The following SLC7A11 variants were observed in gnomAD, a reference collection of about 807,000 sequenced individuals.
SLC7A11 encodes solute carrier family 7 member 11, also known as cystine/glutamate transporter.
SLC7A11 carries 35 observed loss-of-function variants against 54.5 expected under a neutral mutation model. The observed-to-expected ratio is 0.64, with a 90% CI of 0.49 to 0.85. The LOEUF (loss-of-function observed/expected upper bound fraction) is 0.85. SLC7A11 is among the 40% of genes least tolerant of loss of function. SLC7A11 has a pLI of 0.00. For missense variants in SLC7A11, 583 were observed against 618.1 expected (o/e 0.94, Z 0.60); for synonymous variants, 230 against 225.2 (o/e 1.02, Z -0.19).
Position 138,219,343 on chromosome 4 carries a change from G to A in SLC7A11, c.669C>T (p.Asp223=), listed in dbSNP as rs374912927. The part of the protein sequence containing the change: ...LIKGQTQNFK[D]AFSGRDSSIT... ...TACTTGAATCTCTTCCTGAAAAGGC[G>A]TCTTTAAAGTTCTGCGTTTGACCTG... Residue 223 remains aspartate, a synonymous_variant, in exon 5 of 12, where the codon GAC becomes GAT. Coordinates refer to ENST00000280612, the MANE Select transcript of SLC7A11 (RefSeq NM_014331.4). The A allele has an allele frequency of 3.9e-5, 63 of 1,603,482 alleles. No homozygotes were observed. The highest frequency in any genetic ancestry group is 1.1e-4 in the African/African-American group (8 of 74,742).
In SLC7A11 at chr4:138,183,187, C is replaced by A; in HGVS notation, c.1019+15G>T. 2 of 1,557,678 alleles carry A rather than the reference C, an allele frequency of 1.3e-6. No individual in the cohort carries two copies. The highest frequency in any genetic ancestry group is 1.8e-6 in the Non-Finnish European group (2 of 1,130,460). On this transcript the variant is annotated intron_variant, in intron 8 of 11. Transcript: ENST00000280612. ...AAACAGAAATGTGTTTCTGGAAATACATGAACTCACTCACCTGGAGACAGC... is the reference window on the plus strand; with the variant it reads ...AAACAGAAATGTGTTTCTGGAAATAAATGAACTCACTCACCTGGAGACAGC...
At chr4:138,201,584 C>T (rs1373813311) in intron 6 of SLC7A11, among the ~76,000 whole-genome samples, 2 of 152,004 alleles carry the variant, frequency 1.3e-5, no homozygotes, top group East Asian at 1.9e-4. Context: ...TTCCCATGGC[C>T]GGGTGTTTCA....
chr4:138,200,737 C>T (rs925467459), intron 6 of SLC7A11, among the ~76,000 whole-genome samples: 1 of 152,112 alleles, frequency 6.6e-6, no homozygotes, highest in African/African-American at 2.4e-5. Context: ...CCCCTCCTAA[C>T]TCTAACATCA....
At chr4:138,172,087 ATT>A in intron 11 of SLC7A11, 70 bp from the exon 12 acceptor site, 1 of 1,475,366 alleles carries the variant, frequency 6.8e-7, no homozygotes, top group Non-Finnish European at 9.1e-7. Flanking sequence ...CAAAATATGA[ATT>A]ATTTTGGGTT....
intron 3 of SLC7A11, among the ~76,000 whole-genome samples, chr4:138,225,173 A>ATATATATAT (rs1266953642): frequency 1.3e-4 from 14 of 111,076 alleles, no homozygotes; most frequent in African/African-American, 1.6e-4. Flanking sequence ...TATATATATA[A>ATATATATAT]ATAAAATCAT....
Position 138,242,217 on chromosome 4 carries a change from G to GGT in SLC7A11, c.-150_-149dup, listed in dbSNP as rs1345733609. The GGT allele has an allele frequency of 2.2e-6, 2 of 903,914 alleles. No homozygotes were observed. Among genetic ancestry groups the GGT allele is most frequent in the Non-Finnish European group, 3.3e-6 (2 of 608,944 alleles). The allele number at this position is 903,914 out of a possible 1,614,324, so 56.0% of individuals were successfully genotyped here. On this transcript the variant is annotated 5_prime_UTR_variant, in exon 1 of 12. Coordinates refer to ENST00000280612, the MANE Select transcript of SLC7A11 (RefSeq NM_014331.4). The stretch of plus-strand genomic sequence containing the variant: ...TAGTGTTCACAGGTGAAAACTCAAA[G>GGT]GTGTGCTTTTTCCTTCACAGCGATC...
At position 138,242,005 on chromosome 4, in the gene SLC7A11, C is replaced by T. The variant is rs1738394022; in HGVS notation, c.65G>A (p.Gly22Glu). 2 of 1,614,206 alleles carry T rather than the reference C, an allele frequency of 1.2e-6. No homozygotes were observed. Among genetic ancestry groups the T allele is most frequent in the Non-Finnish European group, 1.7e-6 (2 of 1,180,028 alleles). Reference protein sequence around the residue: ...KGGYLQGNVNGRLPSLGNKEP... With the variant: ...KGGYLQGNVNERLPSLGNKEP... The stretch of plus-strand genomic sequence containing the variant: ...CTTGTTGCCCAGGGAAGGCAGCCTC[C>T]CGTTAACATTTCCCTGCAGGTAACC... Residue 22 changes from glycine (G) to glutamate (E), a missense_variant, in exon 1 of 12, where the codon GGG becomes GAG. Physicochemically the swap from Gly to Glu is moderately conservative, Grantham distance 98 (BLOSUM62 -2). Transcript: ENST00000280612.
At chr4:138,232,634 C>G (rs139354939) in intron 2 of SLC7A11, among the ~76,000 whole-genome samples, 154 of 152,314 alleles carry the variant, frequency 1.0e-3, no homozygotes, top group African/African-American at 3.4e-3. Flanking sequence ...TTCCCCTGCT[C>G]TCCCATATTT....
intron 6 of SLC7A11, among the ~76,000 whole-genome samples, chr4:138,199,479 G>A (rs1343987524): frequency 1.3e-5 from 2 of 152,088 alleles, no homozygotes; most frequent in Non-Finnish European, 2.9e-5. Flanking sequence ...ACTGGGTAGA[G>A]ATTTGTGTTC....
At chr4:138,224,820 AAG>A (rs1737900963) in intron 3 of SLC7A11, among the ~76,000 whole-genome samples, 119 of 14,624 alleles carry the variant, frequency 8.1e-3, no homozygotes, top group East Asian at 0.014. Flanking sequence ...GGATGAAAGG[AAG>A]GAAGGAAGGA....
At chr4:138,190,960 A>G (rs576981969) in intron 6 of SLC7A11, among the ~76,000 whole-genome samples, 3 of 152,180 alleles carry the variant, frequency 2.0e-5, no homozygotes, top group Non-Finnish European at 4.4e-5. Flanking sequence ...ACTGTCATTT[A>G]GTGCTATGGC....
At chr4:138,173,250 T>C (rs1736481280) in intron 11 of SLC7A11, among the ~76,000 whole-genome samples, 1 of 152,164 alleles carries the variant, frequency 6.6e-6, no homozygotes, top group Non-Finnish European at 1.5e-5. Context: ...GCCCAGATAG[T>C]CTTTCATCTG....
rs1283081660 is a variant in SLC7A11 at position 138,170,195 on chromosome 4, G to A, written c.*1761C>T. The A allele has an allele frequency of 4.2e-5, 5 of 120,000 alleles. No individual in the cohort carries two copies. Among genetic ancestry groups the A allele is most frequent in the African/African-American group, 1.5e-4 (5 of 33,074 alleles). The allele number at this position is 120,000 out of a possible 1,614,324, so 7.4% of individuals were successfully genotyped here. ...TTTCATCATTATATTACTCTCATTT[G>A]TAAGTTCCACTATATATATATATAT... On this transcript the variant is annotated 3_prime_UTR_variant, in exon 12 of 12. Coordinates refer to ENST00000280612, the MANE Select transcript of SLC7A11 (RefSeq NM_014331.4).
Position 138,242,093 on chromosome 4 carries a change from T to C in SLC7A11, c.-24A>G. On this transcript the variant is annotated 5_prime_UTR_variant, in exon 1 of 12. Coordinates refer to ENST00000280612, the MANE Select transcript of SLC7A11 (RefSeq NM_014331.4). ...ATAGTAGGGACACACGGGGGAAAAA[T>C]AAAACAGAGGGAAAGAAAACAAAAC... 1 of 1,609,112 alleles carries C rather than the reference T, an allele frequency of 6.2e-7. No individual in the cohort carries two copies. Among genetic ancestry groups the C allele is most frequent in the East Asian group, 2.2e-5 (1 of 44,776 alleles).
intron 4 of SLC7A11, among the ~76,000 whole-genome samples, chr4:138,219,857 T>C (rs959075459): frequency 5.3e-5 from 8 of 152,156 alleles, no homozygotes; most frequent in African/African-American, 9.7e-5. Flanking sequence ...GTTTATCCCA[T>C]GTTGTTCATT....
In SLC7A11 at chr4:138,225,084, T is replaced by A. The variant is rs527760942; in HGVS notation, c.521-1760A>T. 2.8e-5 allele frequency among the ~76,000 whole-genome samples: 4 copies of A among 144,626 alleles called. No homozygotes were observed. In the Admixed American group the frequency reaches 2.8e-4, roughly 10 times the overall value. The allele number at this position is 144,626 out of a possible 152,430, so 94.9% of individuals were successfully genotyped here. The stretch of plus-strand genomic sequence containing the variant: ...CAGAACAAAACAAAAAAAAGAGGGG[T>A]AACTAAATGATGTGACAGAGGTGTT... On this transcript the variant is annotated intron_variant, in intron 3 of 11. Coordinates refer to ENST00000280612, the MANE Select transcript of SLC7A11 (RefSeq NM_014331.4).
intron 6 of SLC7A11, among the ~76,000 whole-genome samples, chr4:138,201,243 T>C (rs1306994872): frequency 6.6e-6 from 1 of 152,126 alleles, no homozygotes; most frequent in African/African-American, 2.4e-5. Flanking sequence ...ATTTTTCATA[T>C]AGTATTGTAC....
chr4:138,174,323 G>A (rs1647019531), intron 11 of SLC7A11: 1 of 152,138 alleles, frequency 6.6e-6, no homozygotes, highest in African/African-American at 2.4e-5. Context: ...GCTTGGTTTG[G>A]GTCCGTTATT....
At chr4:138,196,173 G>C (rs1737127347) in intron 6 of SLC7A11, among the ~76,000 whole-genome samples, 1 of 152,064 alleles carries the variant, frequency 6.6e-6, no homozygotes. Context: ...AAAATTATTT[G>C]TAATAAAAAG....
Sources: allele counts gnomAD v4.1 joint callset (sites outside exome capture counted in the v4.1 genomes callset), GRCh38; gene constraint gnomAD v4.1.1; transcripts MANE v1.5; gene names NCBI Gene and HGNC (gene_info 2026-07-23, HGNC 2026-07-21).